SOX5: variants seen among roughly 807,000 people sequenced by gnomAD.
SOX5 encodes SRY-box transcription factor 5, also known as transcription factor SOX-5.
Under a neutral mutation model 92.0 loss-of-function variants are expected in SOX5, and 9 were observed. The observed-to-expected ratio is 0.10, with a 90% CI of 0.06 to 0.17. The LOEUF is 0.17. Among genes scored for constraint, SOX5 ranks in the 10% least tolerant of loss-of-function variants. The pLI is 1.00. For synonymous variants in SOX5, 344 were observed against 336.3 expected (o/e 1.02, Z -0.25); for missense variants, 642 against 944.5 (o/e 0.68, Z 4.20).
At chr12:24,001,809 G>C (rs1437795114) in intron 4 of SOX5, among the ~76,000 whole-genome samples, 1 of 152,054 alleles carries the variant, frequency 6.6e-6, no homozygotes, top group Admixed American at 6.6e-5. Context: ...TTGAAGAACA[G>C]ACATAAGATG....
intron 1 of SOX5, among the ~76,000 whole-genome samples, chr12:23,942,260 T>C (rs1300458145): frequency 6.6e-6 from 1 of 151,814 alleles, no homozygotes; most frequent in Admixed American, 6.6e-5. Context: ...TAGATAAATA[T>C]AAAATAGCTT....
At chr12:23,647,818 T>A (rs1733733230) in intron 7 of SOX5, among the ~76,000 whole-genome samples, 1 of 152,246 alleles carries the variant, frequency 6.6e-6, no homozygotes, top group Admixed American at 6.5e-5. Flanking sequence ...TAAGGGAATG[T>A]TGTGGCTGGT....
intron 4 of SOX5, among the ~76,000 whole-genome samples, chr12:24,003,621 A>C (rs1023601029): frequency 6.6e-6 from 1 of 152,136 alleles, no homozygotes; most frequent in Non-Finnish European, 1.5e-5. Context: ...GTATGCTGAA[A>C]ACTACCAAAT....
chr12:23,683,036 C>G (rs1402155045), intron 6 of SOX5, among the ~76,000 whole-genome samples: 1 of 151,742 alleles, frequency 6.6e-6, no homozygotes, highest in African/African-American at 2.4e-5. Context: ...ACATTTATAT[C>G]AACACAAAAT....
rs2076103961 is a variant in SOX5 at position 23,612,650 on chromosome 12, T to A, written c.1018-8117A>T. Among the ~76,000 whole-genome samples the A allele has an allele frequency of 2.0e-5, 3 of 152,324 alleles. 1 individual carries two copies. The South Asian group carries it at 6.2e-4, about 32-fold the overall frequency. Reference sequence around the variant, plus strand: ...TGTTAAATATTTGGAATAGAGATTTTAAAATATATGTCATCTATTATGATT... The same window carrying A: ...TGTTAAATATTTGGAATAGAGATTTAAAAATATATGTCATCTATTATGATT... On this transcript the variant is annotated intron_variant, in intron 8 of 14. Coordinates refer to ENST00000451604, the MANE Select transcript of SOX5 (RefSeq NM_006940.6).
chr12:23,693,818 C>T (rs1593347152), intron 6 of SOX5, among the ~76,000 whole-genome samples: 2 of 152,122 alleles, frequency 1.3e-5, no homozygotes, highest in East Asian at 1.9e-4. Context: ...AAATTATAAA[C>T]TATGCTTATT....
At chr12:23,653,045 T>C (rs951631410) in intron 7 of SOX5, among the ~76,000 whole-genome samples, 2 of 150,872 alleles carry the variant, frequency 1.3e-5, no homozygotes, top group African/African-American at 4.9e-5. Flanking sequence ...GATGGATGGA[T>C]GGATGGATGG....
At chr12:23,597,755 T>C (rs1003348525) in intron 9 of SOX5, among the ~76,000 whole-genome samples, 3 of 152,224 alleles carry the variant, frequency 2.0e-5, no homozygotes, top group East Asian at 1.9e-4. Context: ...ACAAAATAGT[T>C]ATTTCACAGA....
At chr12:24,546,289 A>T (rs1300173610) in intron 1 of SOX5, among the ~76,000 whole-genome samples, 1 of 152,144 alleles carries the variant, frequency 6.6e-6, no homozygotes, top group Non-Finnish European at 1.5e-5. Flanking sequence ...TTAACTGCTG[A>T]CTTCAGGAGC....
At chr12:24,462,225 T>C (rs987659395) in intron 1 of SOX5, among the ~76,000 whole-genome samples, 1 of 152,208 alleles carries the variant, frequency 6.6e-6, no homozygotes, top group African/African-American at 2.4e-5. Context: ...CCTGTTACTG[T>C]ACTGAATACT....
intron 2 of SOX5, among the ~76,000 whole-genome samples, chr12:24,344,055 T>C (rs770495323): frequency 4.0e-5 from 6 of 151,802 alleles, no homozygotes; most frequent in Non-Finnish European, 5.9e-5. Context: ...GAGGCCGAGG[T>C]GGGCGAATCA....
intron 1 of SOX5, among the ~76,000 whole-genome samples, chr12:24,420,785 TA>T (rs1429518571): frequency 1.3e-5 from 2 of 152,052 alleles, no homozygotes; most frequent in South Asian, 4.1e-4. Context: ...TAACTAATAT[TA>T]AAAAAAGAGT....
intron 3 of SOX5, among the ~76,000 whole-genome samples, chr12:23,815,068 T>G (rs957183817): frequency 6.6e-6 from 1 of 152,194 alleles, no homozygotes; most frequent in African/African-American, 2.4e-5. Context: ...GAAATCTTTA[T>G]GGAAGGGCCA....
At chr12:24,142,487 C>T (rs532106977) in intron 4 of SOX5, among the ~76,000 whole-genome samples, 18 of 151,922 alleles carry the variant, frequency 1.2e-4, no homozygotes, top group Admixed American at 2.6e-4. Context: ...CTCTATAATG[C>T]GCAATTTGTG....
At chr12:23,534,547 A>C (rs200722819) in intron 14 of SOX5, 25 bp from the exon 15 acceptor site, 2 of 1,591,136 alleles carry the variant, frequency 1.3e-6, no homozygotes, top group African/African-American at 2.7e-5. Flanking sequence ...ATTTCCAAAA[A>C]GACATCGTGG....
In SOX5 at chr12:23,780,355, G is replaced by C. The variant is rs1300742442; in HGVS notation, c.482-24631C>G. ...AAGTTATATGCTCAACACTTTGTTA[G>C]GTATTTTATAGATTTTTTTCTTCAA... On this transcript the variant is annotated intron_variant, in intron 3 of 14. Coordinates refer to ENST00000451604, the MANE Select transcript of SOX5 (RefSeq NM_006940.6). 2.6e-5 allele frequency among the ~76,000 whole-genome samples: 4 copies of C among 151,582 alleles called. No individual in the cohort carries two copies. In the East Asian group the frequency reaches 7.7e-4, roughly 29 times the overall value.
At chr12:23,839,381 A>G (rs2096483577) in intron 3 of SOX5, among the ~76,000 whole-genome samples, 1 of 152,178 alleles carries the variant, frequency 6.6e-6, no homozygotes, top group Admixed American at 6.6e-5. Flanking sequence ...GCTACTTTTA[A>G]AATACAACAC....
At chr12:23,631,541 T>A (rs1282465284) in intron 8 of SOX5, among the ~76,000 whole-genome samples, 1 of 152,108 alleles carries the variant, frequency 6.6e-6, no homozygotes, top group African/African-American at 2.4e-5. Flanking sequence ...GCAGTTCTTT[T>A]ATGTATGTTT....
chr12:23,894,560 T>G (rs1030117392), intron 2 of SOX5, among the ~76,000 whole-genome samples: 33 of 152,254 alleles, frequency 2.2e-4, no homozygotes, highest in African/African-American at 7.9e-4. Context: ...AATCTTGGAA[T>G]TGTCAAATGC....
Sources: allele counts gnomAD v4.1 joint callset (sites outside exome capture counted in the v4.1 genomes callset), GRCh38; gene constraint gnomAD v4.1.1; transcripts MANE v1.5; gene names NCBI Gene and HGNC (gene_info 2026-07-23, HGNC 2026-07-21).